MRPL12: variants seen among roughly 807,000 people sequenced by gnomAD.
MRPL12 encodes mitochondrial ribosomal protein L12.
Under a neutral mutation model 21.1 loss-of-function variants are expected in MRPL12, and 13 were observed. That is an observed-to-expected ratio of 0.62 (90% confidence interval 0.40 to 0.98). The LOEUF is 0.98. Among genes scored for constraint, MRPL12 ranks in the 50% least tolerant of loss-of-function variants. The pLI, the probability that MRPL12 is intolerant of heterozygous loss-of-function variation, is 0.00. For missense variants in MRPL12, 251 were observed against 268.6 expected (o/e 0.93, Z 0.46); for synonymous variants, 126 against 115.3 (o/e 1.09, Z -0.60).
chr17:81,703,878 G>A (rs1399776740), intron 1 of MRPL12, among the ~76,000 whole-genome samples: 2 of 152,228 alleles, frequency 1.3e-5, no homozygotes. Context: ...TGCGGCCAGG[G>A]GCCCCCATGT....
At position 81,707,200 on chromosome 17, in the gene MRPL12, C is replaced by T. The variant is rs755025904; in HGVS notation, c.557C>T (p.Ala186Val). ...VAKAEAEKIK[A>V]ALEAVGGTVV... is the part of the protein sequence containing the mutation. Reference sequence around the variant, plus strand: ...AAAGCTGAGGCGGAGAAGATCAAGGCGGCCCTGGAGGCGGTGGGCGGCACC... The same window carrying T: ...AAAGCTGAGGCGGAGAAGATCAAGGTGGCCCTGGAGGCGGTGGGCGGCACC... Residue 186 changes from alanine to valine, a missense_variant, in exon 5 of 5, where the codon GCG becomes GTG. By Grantham distance (64) the Ala-to-Val change is moderately conservative (BLOSUM62 0). Coordinates refer to ENST00000333676, the MANE Select transcript of MRPL12 (RefSeq NM_002949.4). 15 of 1,611,056 alleles carry T rather than the reference C, an allele frequency of 9.3e-6. No homozygotes were observed. The highest frequency in any genetic ancestry group is 1.1e-5 in the South Asian group (1 of 90,764).
At chr17:81,703,971 C>T (rs949055619) in intron 1 of MRPL12, among the ~76,000 whole-genome samples, 2 of 152,332 alleles carry the variant, frequency 1.3e-5, no homozygotes, top group Admixed American at 6.5e-5. Context: ...AAACCAGAAA[C>T]TTGAGGTTTG....
At position 81,703,386 on chromosome 17, in the gene MRPL12, C is replaced by T. The variant is rs950515346; in HGVS notation, c.-116C>T. The T allele has an allele frequency of 2.3e-6, 2 of 852,242 alleles. No individual in the cohort carries two copies. The highest frequency in any genetic ancestry group is 1.8e-5 in the African/African-American group (1 of 55,328). The allele number at this position is 852,242 out of a possible 1,614,324, so 52.8% of individuals were successfully genotyped here. On this transcript the variant is annotated 5_prime_UTR_variant, in exon 1 of 5. Transcript: ENST00000333676. ...TAGAGCGTCATTTCCGGCTCGAATG[C>T]CCGGCAGCCGTGGCGGCTAGAGCGT...
rs1022082254 is a variant in MRPL12, at chr17:81,707,470, G to A, written c.*230G>A. 3.8e-6 allele frequency: 2 copies of A among 532,060 alleles called. No homozygotes were observed. The highest frequency in any genetic ancestry group is 6.6e-5 in the East Asian group (2 of 30,176). The allele number at this position is 532,060 out of a possible 1,614,324, so 33.0% of individuals were successfully genotyped here. A position where few individuals can be genotyped will look rare whatever the true frequency, so the allele number is the denominator to read the frequency against. ...GGAGGCCCACCAGGACGCGCCACCG[G>A]TGAATGTGCCTCTGGTGGCTGCTGA... On this transcript the variant is annotated 3_prime_UTR_variant, in exon 5 of 5. Coordinates refer to ENST00000333676, the MANE Select transcript of MRPL12 (RefSeq NM_002949.4).
intron 1 of MRPL12, among the ~76,000 whole-genome samples, chr17:81,703,813 C>T (rs1303234209): frequency 6.6e-6 from 1 of 152,250 alleles, no homozygotes; most frequent in Admixed American, 6.5e-5. Flanking sequence ...TTCCCTGCTC[C>T]TCCCTTGGCC....
intron 3 of MRPL12, among the ~76,000 whole-genome samples, chr17:81,705,211 T>A (rs1373594250): frequency 1.4e-5 from 2 of 147,560 alleles, no homozygotes; most frequent in Non-Finnish European, 3.0e-5. Context: ...TAAATAAAAA[T>A]AAAAATAAAT....
intron 3 of MRPL12, among the ~76,000 whole-genome samples, chr17:81,706,700 C>T (rs1354976042): frequency 3.3e-5 from 5 of 151,910 alleles, no homozygotes; most frequent in African/African-American, 9.7e-5. Flanking sequence ...AGTGAGACTC[C>T]GTCTCAAAAA....
intron 1 of MRPL12, 36 bp downstream of exon 1, chr17:81,703,611 C>A (rs750226077): frequency 1.5e-6 from 2 of 1,361,340 alleles, no homozygotes; most frequent in Admixed American, 3.7e-5. Flanking sequence ...GGCCGGCAGG[C>A]GGGTTAGGGG....
At position 81,703,501 on chromosome 17, in the gene MRPL12, G is replaced by A. The variant is rs1050214853; in HGVS notation, c.-1G>A. ...CGTGTGACCTTCCAGCCCGCGGACC[G>A]ATGCTGCCGGCGGCCGCTCGCCCCC... On this transcript the variant is annotated 5_prime_UTR_variant, in exon 1 of 5. Transcript: ENST00000333676. 6.7e-7 allele frequency: 1 copy of A among 1,485,770 alleles called. No individual in the cohort carries two copies. Among genetic ancestry groups the A allele is most frequent in the Non-Finnish European group, 8.9e-7 (1 of 1,124,088 alleles). The allele number at this position is 1,485,770 out of a possible 1,614,324, so 92.0% of individuals were successfully genotyped here.
chr17:81,707,190 A>G lies in MRPL12; in HGVS notation c.547A>G (p.Lys183Glu). The change falls in exon 5 of 5, where the codon AAG becomes GAG. Residue 183 changes from lysine to glutamate, a missense_variant. Transcript: ENST00000333676. The stretch of plus-strand genomic sequence containing the variant: ...CAATGTCGCCAAAGCTGAGGCGGAG[A>G]AGATCAAGGCGGCCCTGGAGGCGGT... ...KANVAKAEAE[K>E]IKAALEAVGG... 1.9e-6 allele frequency: 3 copies of G among 1,613,344 alleles called. No individual in the cohort carries two copies. The highest frequency in any genetic ancestry group is 1.3e-5 in the African/African-American group (1 of 75,026).
rs768736068 is a variant in MRPL12 at position 81,703,473 on chromosome 17, C to G, written c.-29C>G. 1.3e-6 allele frequency: 2 copies of G among 1,484,996 alleles called. No homozygotes were observed. The highest frequency in any genetic ancestry group is 4.5e-5 in the Admixed American group (2 of 44,788). 92.0% of individuals were successfully genotyped at this position (1,484,996 alleles called of 1,614,324 possible). A position where few individuals can be genotyped will look rare whatever the true frequency, so the allele number is the denominator to read the frequency against. ...TAGAGCGTCGCCTCCTCCCGGGGAACCGCGTGTGACCTTCCAGCCCGCGGA... is the reference window on the plus strand; with the variant it reads ...TAGAGCGTCGCCTCCTCCCGGGGAAGCGCGTGTGACCTTCCAGCCCGCGGA... On this transcript the variant is annotated 5_prime_UTR_variant, in exon 1 of 5. Coordinates refer to ENST00000333676, the MANE Select transcript of MRPL12 (RefSeq NM_002949.4).
In MRPL12 at chr17:81,703,419, C is replaced by T; in HGVS notation, c.-83C>T. On this transcript the variant is annotated 5_prime_UTR_variant, in exon 1 of 5. Transcript: ENST00000333676. ...CCGTGGCGGCTAGAGCGTTCCTCCC[C>T]AGCTCGAATGCCCGGCGGCCGAGGC... 3.2e-6 allele frequency: 4 copies of T among 1,231,790 alleles called. No homozygotes were observed. The highest frequency in any genetic ancestry group is 4.4e-6 in the Non-Finnish European group (4 of 914,874). 76.3% of individuals were successfully genotyped at this position (1,231,790 alleles called of 1,614,324 possible).
At position 81,707,247 on chromosome 17, in the gene MRPL12, G is replaced by C. The variant is rs2037323726; in HGVS notation, c.*7G>C. 3 of 1,574,748 alleles carry C rather than the reference G, an allele frequency of 1.9e-6. No individual in the cohort carries two copies. Among genetic ancestry groups the C allele is most frequent in the Non-Finnish European group, 2.6e-6 (3 of 1,159,322 alleles). On this transcript the variant is annotated 3_prime_UTR_variant, in exon 5 of 5. Coordinates refer to ENST00000333676, the MANE Select transcript of MRPL12 (RefSeq NM_002949.4). ...CACCGTGGTTCTGGAGTAGCCTCCA[G>C]CTCGGAGGACTTGTGTTCAGGGGTC...
In MRPL12 at chr17:81,704,335, G is replaced by A. The variant is rs372846840; in HGVS notation, c.166G>A (p.Ala56Thr). The A allele has an allele frequency of 7.4e-6, 12 of 1,613,404 alleles. No homozygotes were observed. The highest frequency in any genetic ancestry group is 8.5e-6 in the Non-Finnish European group (10 of 1,179,902). The change falls in exon 2 of 5, where the codon GCC becomes ACC. Residue 56 changes from alanine to threonine, a missense_variant. By Grantham distance (58) the Ala-to-Thr change is moderately conservative. Coordinates refer to ENST00000333676, the MANE Select transcript of MRPL12 (RefSeq NM_002949.4). ...CCTCGCTGGTGCACCCCTGGATAAC[G>A]CCCCCAAGGAGTACCCCCCCAAGAT... ...EALAGAPLDN[A>T]PKEYPPKIQQ... is the part of the protein sequence containing the mutation.
At chr17:81,703,681 A>G (rs2037279935) in intron 1 of MRPL12, 106 bp downstream of exon 1, 2 of 1,088,366 alleles carry the variant, frequency 1.8e-6, no homozygotes, top group South Asian at 2.5e-5. Flanking sequence ...GCCTCCCTGC[A>G]GCGGCCAGGC....
At chr17:81,705,255 G>GT (rs2037302557) in intron 3 of MRPL12, among the ~76,000 whole-genome samples, 1 of 151,388 alleles carries the variant, frequency 6.6e-6, no homozygotes, top group Non-Finnish European at 1.5e-5. Flanking sequence ...AGCCGGCGTG[G>GT]TGGCAGGTGC....
Position 81,703,536 on chromosome 17 carries a change from C to G in MRPL12, c.35C>G (p.Pro12Arg), listed in dbSNP as rs777336686. 1.2e-4 allele frequency: 171 copies of G among 1,477,636 alleles called. No individual in the cohort carries two copies. Among genetic ancestry groups the G allele is most frequent in the Non-Finnish European group, 1.4e-4 (161 of 1,120,656 alleles). 91.5% of individuals were successfully genotyped at this position (1,477,636 alleles called of 1,614,324 possible). Residue 12 changes from proline (P) to arginine (R), a missense_variant, in exon 1 of 5, where the codon CCT becomes CGT. By Grantham distance (103) the Pro-to-Arg change is moderately radical (BLOSUM62 -2). Coordinates refer to ENST00000333676, the MANE Select transcript of MRPL12 (RefSeq NM_002949.4). ...GCGGCCGCTCGCCCCCTGTGGGGGC[C>G]TTGCCTTGGGCTTCGGGCCGCTGCG... ...LPAAARPLWG[P>R]CLGLRAAAFR...
rs1429837543 is a variant in MRPL12, at chr17:81,703,485, T to C, written c.-17T>C. ...TCCTCCCGGGGAACCGCGTGTGACCTTCCAGCCCGCGGACCGATGCTGCCG... is the reference window on the plus strand; with the variant it reads ...TCCTCCCGGGGAACCGCGTGTGACCCTCCAGCCCGCGGACCGATGCTGCCG... On this transcript the variant is annotated 5_prime_UTR_variant, in exon 1 of 5. Transcript: ENST00000333676. The C allele has an allele frequency of 3.4e-6, 5 of 1,487,136 alleles. No homozygotes were observed. Among genetic ancestry groups the C allele is most frequent in the East Asian group, 2.9e-5 (1 of 34,314 alleles). The allele number at this position is 1,487,136 out of a possible 1,614,324, so 92.1% of individuals were successfully genotyped here. A position where few individuals can be genotyped will look rare whatever the true frequency, so the allele number is the denominator to read the frequency against.
intron 3 of MRPL12, 52 bp downstream of exon 3, chr17:81,704,768 C>T (rs1253094234): frequency 1.4e-6 from 2 of 1,465,530 alleles, no homozygotes; most frequent in African/African-American, 2.8e-5. Flanking sequence ...TCGCCTGTGG[C>T]CTCATGTGCC....
Sources: allele counts gnomAD v4.1 joint callset (sites outside exome capture counted in the v4.1 genomes callset), GRCh38; gene constraint gnomAD v4.1.1; transcripts MANE v1.5; gene names NCBI Gene and HGNC (gene_info 2026-07-23, HGNC 2026-07-21).